Variants in RSU1 observed in about 807,000 individuals in gnomAD.
RSU1 encodes the protein Ras suppressor protein 1, also known as rsu-1.
A neutral mutation model predicts 31.1 loss-of-function variants in RSU1; 26 were observed. The observed-to-expected ratio is 0.84, with a 90% CI of 0.61 to 1.16. The LOEUF (loss-of-function observed/expected upper bound fraction) is 1.16, where lower values mean the gene tolerates loss of function less well. RSU1 is among the 50% of genes most tolerant of loss of function. RSU1 has a pLI of 0.00. For synonymous variants in RSU1, 164 were observed against 136.3 expected (o/e 1.20, Z -1.41); for missense variants, 320 against 339.1 (o/e 0.94, Z 0.44).
chr10:16,611,515 A>G (rs1462865819), intron 8 of RSU1, among the ~76,000 whole-genome samples: 2 of 152,190 alleles, frequency 1.3e-5, no homozygotes, highest in Non-Finnish European at 2.9e-5. Flanking sequence ...AGATGTCTTC[A>G]TTATTCTTTT....
intron 8 of RSU1, among the ~76,000 whole-genome samples, chr10:16,674,466 AAAC>A (rs1024752117): frequency 5.9e-5 from 9 of 151,492 alleles, no homozygotes; most frequent in South Asian, 4.2e-4. Context: ...AGTATGCTTG[AAAC>A]AACAACAGCT....
chr10:16,790,243 C>T (rs1429695937), intron 2 of RSU1, among the ~76,000 whole-genome samples: 6 of 152,164 alleles, frequency 3.9e-5, no homozygotes, highest in Non-Finnish European at 7.4e-5. Flanking sequence ...GAGCGCCGGC[C>T]GTCTCTACCT....
chr10:16,644,647 T>A (rs938035655), intron 8 of RSU1, among the ~76,000 whole-genome samples: 15 of 152,216 alleles, frequency 9.9e-5, no homozygotes, highest in African/African-American at 3.4e-4. Flanking sequence ...CTGCCACACA[T>A]AGCGCAGTGT....
intron 8 of RSU1, among the ~76,000 whole-genome samples, chr10:16,687,712 CAAA>C (rs1373221518): frequency 6.6e-6 from 1 of 151,288 alleles, no homozygotes; most frequent in Admixed American, 6.6e-5. Context: ...AACAAAAAAT[CAAA>C]TTATTATTAT....
intron 8 of RSU1, among the ~76,000 whole-genome samples, chr10:16,639,624 A>G (rs888051710): frequency 6.6e-6 from 1 of 152,242 alleles, no homozygotes. Context: ...TCATTTGTTG[A>G]CTGATGAGAG....
intron 8 of RSU1, among the ~76,000 whole-genome samples, chr10:16,619,316 C>G (rs1289755123): frequency 6.6e-6 from 1 of 152,196 alleles, no homozygotes; most frequent in Non-Finnish European, 1.5e-5. Context: ...GTCTTCTCCA[C>G]GTGGTTCCAG....
rs1837576089 is a variant in RSU1 at position 16,778,215 on chromosome 10, G to T, written c.160+3819C>A. Among the ~76,000 whole-genome samples, 3 of 151,942 alleles carry T rather than the reference G, an allele frequency of 2.0e-5. No individual in the cohort carries two copies. The South Asian group carries it at 6.2e-4, about 32-fold the overall frequency. On this transcript the variant is annotated intron_variant, in intron 3 of 8. Transcript: ENST00000345264. Reference sequence around the variant, plus strand: ...TCTTGCTATGTTGCCCAGGCTGAAGGTCATGTATCTTTAGAGCATCACGCT... The same window carrying T: ...TCTTGCTATGTTGCCCAGGCTGAAGTTCATGTATCTTTAGAGCATCACGCT...
chr10:16,670,510 G>A (rs1419816430), intron 8 of RSU1, among the ~76,000 whole-genome samples: 1 of 152,168 alleles, frequency 6.6e-6, no homozygotes, highest in Non-Finnish European at 1.5e-5. Context: ...GGGGTTGCCA[G>A]GCTGGTGACT....
At chr10:16,664,497 C>A (rs756479395) in intron 8 of RSU1, among the ~76,000 whole-genome samples, 26 of 152,204 alleles carry the variant, frequency 1.7e-4, no homozygotes, top group Non-Finnish European at 3.5e-4. Context: ...GCATCTAAGA[C>A]AACATTGATG....
chr10:16,704,675 T>A (rs1292832875), intron 7 of RSU1, among the ~76,000 whole-genome samples: 1 of 152,250 alleles, frequency 6.6e-6, no homozygotes, highest in Non-Finnish European at 1.5e-5. Flanking sequence ...GAAAGCCCTA[T>A]TACCTGCAGA....
At chr10:16,810,182 G>C (rs1452592862) in intron 2 of RSU1, among the ~76,000 whole-genome samples, 1 of 152,100 alleles carries the variant, frequency 6.6e-6, no homozygotes, top group Non-Finnish European at 1.5e-5. Flanking sequence ...AGTGAGCCAA[G>C]ATCGCGCCAC....
chr10:16,608,185 T>C (rs1833836691), intron 8 of RSU1, among the ~76,000 whole-genome samples: 1 of 152,198 alleles, frequency 6.6e-6, no homozygotes, highest in Non-Finnish European at 1.5e-5. Flanking sequence ...CCATCGCCCA[T>C]GGATTTTCTG....
chr10:16,623,159 A>C (rs72782552), intron 8 of RSU1, among the ~76,000 whole-genome samples: 5,143 of 152,278 alleles, frequency 0.034, 109 homozygotes, highest in Non-Finnish European at 0.052. Context: ...ATAGTTTTTC[A>C]ATAGTTTTTC....
chr10:16,790,920 G>C (rs890971533), intron 2 of RSU1, among the ~76,000 whole-genome samples: 3 of 152,176 alleles, frequency 2.0e-5, no homozygotes, highest in Admixed American at 6.5e-5. Flanking sequence ...TACAGCCTGT[G>C]GAACTGTGAG....
chr10:16,721,577 A>G (rs1836263669), intron 7 of RSU1: 1 of 152,268 alleles, frequency 6.6e-6, no homozygotes. Flanking sequence ...TTTGTTACTC[A>G]TGATGGTTGA....
chr10:16,757,064 A>C (rs1285036991), intron 4 of RSU1, among the ~76,000 whole-genome samples: 1 of 140,124 alleles, frequency 7.1e-6, no homozygotes, highest in East Asian at 2.1e-4. Context: ...GTGTTTGTAC[A>C]CGGTATGTGT....
At chr10:16,704,761 T>C (rs1205367226) in intron 7 of RSU1, among the ~76,000 whole-genome samples, 2 of 152,214 alleles carry the variant, frequency 1.3e-5, no homozygotes, top group African/African-American at 4.8e-5. Context: ...TTTTGATTAG[T>C]TTTTTTGGTT....
intron 8 of RSU1, among the ~76,000 whole-genome samples, chr10:16,694,181 C>T (rs1211923117): frequency 2.0e-5 from 3 of 152,136 alleles, no homozygotes; most frequent in Admixed American, 6.5e-5. Context: ...TTTGCATAGA[C>T]TCCTTTCACC....
chr10:16,690,647 A>C (rs535201333), intron 8 of RSU1, among the ~76,000 whole-genome samples: 1 of 152,328 alleles, frequency 6.6e-6, no homozygotes, highest in African/African-American at 2.4e-5. Context: ...AGTCCATTAG[A>C]GCCTATAAAT....
Sources: gnomAD v4.1 joint callset for allele counts (sites outside exome capture counted in the v4.1 genomes callset) on GRCh38, gnomAD v4.1.1 for gene constraint, MANE v1.5 for transcripts, NCBI Gene and HGNC (gene_info 2026-07-23, HGNC 2026-07-21) for gene names.